MEI4: variants seen among roughly 807,000 people sequenced by gnomAD.
MEI4 encodes meiotic double-stranded break formation protein 4.
In MEI4, 27 loss-of-function variants were observed where a neutral mutation model predicts 31.4. The ratio of observed to expected loss-of-function variants is 0.86; its 90% CI spans 0.63 to 1.19. The LOEUF is 1.19. Ranked by LOEUF, MEI4 falls within the 50% of genes most tolerant of loss-of-function variation. MEI4 has a pLI of 0.00. For missense variants in MEI4, 329 were observed against 398.9 expected (o/e 0.82, Z 1.49); for synonymous variants, 122 against 145.4 (o/e 0.84, Z 1.16).
At chr6:77,782,417 ATACT>A (rs1009499933) in intron 3 of MEI4, among the ~76,000 whole-genome samples, 2 of 152,312 alleles carry the variant, frequency 1.3e-5, no homozygotes, top group African/African-American at 2.4e-5. Context: ...AAAATTACAC[ATACT>A]TAAGATACAG....
At position 77,923,840 on chromosome 6, in the gene MEI4, C is replaced by CATATAGAAGAT. The variant is rs1766774577; in HGVS notation, c.*494_*495insATATAGAAGAT. On this transcript the variant is annotated 3_prime_UTR_variant, in exon 5 of 5. Transcript: ENST00000684080. ...CTTATATCATTGCTTTCACCTTAGA[C>CATATAGAAGAT]GAGAATCATATAGAAGTAGAACTTT... The CATATAGAAGAT allele has an allele frequency of 1.3e-5, 2 of 151,536 alleles. No individual in the cohort carries two copies. Among genetic ancestry groups the CATATAGAAGAT allele is most frequent in the African/African-American group, 4.8e-5 (2 of 41,314 alleles). The allele number at this position is 151,536 out of a possible 1,614,324, so 9.4% of individuals were successfully genotyped here.
chr6:77,898,153 T>C (rs1303930573), intron 4 of MEI4, among the ~76,000 whole-genome samples: 1 of 152,032 alleles, frequency 6.6e-6, no homozygotes, highest in Non-Finnish European at 1.5e-5. Context: ...GCTTATTTGT[T>C]AGCTGCTTTG....
intron 1 of MEI4, among the ~76,000 whole-genome samples, chr6:77,676,862 C>G (rs1768854510): frequency 6.6e-6 from 1 of 152,094 alleles, no homozygotes; most frequent in Non-Finnish European, 1.5e-5. Flanking sequence ...TCTAATTCAT[C>G]TTTTTATGTT....
intron 3 of MEI4, among the ~76,000 whole-genome samples, chr6:77,826,911 A>G (rs994688463): frequency 1.3e-5 from 2 of 152,050 alleles, no homozygotes; most frequent in African/African-American, 2.4e-5. Context: ...ATTTCTACCC[A>G]TTTCCTTCAT....
chr6:77,650,340 G>A (rs1011928047), upstream of MEI4, among the ~76,000 whole-genome samples: 1 of 152,186 alleles, frequency 6.6e-6, no homozygotes, highest in Non-Finnish European at 1.5e-5. Context: ...GCCAAGAGGG[G>A]CAGAAGGGGT....
intron 3 of MEI4, among the ~76,000 whole-genome samples, chr6:77,805,572 A>C (rs1390252926): frequency 6.6e-6 from 1 of 152,124 alleles, no homozygotes; most frequent in African/African-American, 2.4e-5. Flanking sequence ...CATTTTTATA[A>C]GTTGTAGAGA....
chr6:77,748,541 C>T (rs141269736), intron 2 of MEI4, among the ~76,000 whole-genome samples: 76 of 152,260 alleles, frequency 5.0e-4, no homozygotes, highest in Non-Finnish European at 1.0e-3. Flanking sequence ...CCCAGGAAGC[C>T]ATTTTATCCT....
rs186719649 is a variant in MEI4 at position 77,736,814 on chromosome 6, C to T, written c.233-24316C>T. On this transcript the variant is annotated intron_variant, in intron 2 of 4. Coordinates refer to ENST00000684080, the MANE Select transcript of MEI4 (RefSeq NM_001322247.2). Reference sequence around the variant, plus strand: ...CCTGTAGTCCAGAGAAAGATACTAACGTTCAGAGGAGAGAAAGTGATTATT... The same window carrying T: ...CCTGTAGTCCAGAGAAAGATACTAATGTTCAGAGGAGAGAAAGTGATTATT... Among the ~76,000 whole-genome samples, 85 of 152,086 alleles carry T rather than the reference C, an allele frequency of 5.6e-4. 1 individual carries two copies. The highest frequency in any genetic ancestry group is 9.6e-4 in the Non-Finnish European group (65 of 68,026).
chr6:77,754,672 C>G (rs760999749), intron 2 of MEI4, among the ~76,000 whole-genome samples: 3 of 152,152 alleles, frequency 2.0e-5, no homozygotes, highest in Non-Finnish European at 4.4e-5. Context: ...CTTCCCCAAA[C>G]TGGGTAATTT....
Position 77,887,651 on chromosome 6 carries a change from A to C in MEI4, c.901-35438A>C, listed in dbSNP as rs150590431. Among the ~76,000 whole-genome samples the C allele has an allele frequency of 3.2e-4, 49 of 152,302 alleles. No individual in the cohort carries two copies. The East Asian group carries it at 7.9e-3, about 25-fold the overall frequency. ...TTGTGGTCTGAAAAGTATTAAATAT[A>C]ATATTGATGTTTAAAATTTTGTTGA... is the stretch of plus-strand genomic sequence containing the variant. On this transcript the variant is annotated intron_variant, in intron 4 of 4. Transcript: ENST00000684080.
chr6:77,915,759 CTT>C (rs1396559418), intron 4 of MEI4, among the ~76,000 whole-genome samples: 1 of 151,862 alleles, frequency 6.6e-6, no homozygotes, highest in Non-Finnish European at 1.5e-5. Context: ...AATTCTGTCT[CTT>C]TGGGGATCTC....
At chr6:77,694,299 A>C (rs1057041402) in intron 2 of MEI4, among the ~76,000 whole-genome samples, 2 of 151,912 alleles carry the variant, frequency 1.3e-5, no homozygotes, top group East Asian at 3.9e-4. Context: ...TTTAGGGTAC[A>C]TGTGCACAAT....
intron 4 of MEI4, among the ~76,000 whole-genome samples, chr6:77,897,321 A>G (rs541105187): frequency 8.1e-4 from 123 of 152,118 alleles, no homozygotes; most frequent in African/African-American, 2.9e-3. Context: ...GTGTCAGACA[A>G]ATACAAATCA....
In MEI4 at chr6:77,721,887, C is replaced by T. The variant is rs1278747918; in HGVS notation, c.232+30984C>T. On this transcript the variant is annotated intron_variant, in intron 2 of 4. Coordinates refer to ENST00000684080, the MANE Select transcript of MEI4 (RefSeq NM_001322247.2). Reference sequence around the variant, plus strand: ...TATAACAGTCAATTAATTTATCTTTCGTTTCTGCAGCACATAAAATATCAT... The same window carrying T: ...TATAACAGTCAATTAATTTATCTTTTGTTTCTGCAGCACATAAAATATCAT... 6.0e-5 allele frequency among the ~76,000 whole-genome samples: 7 copies of T among 117,496 alleles called. 1 individual carries two copies. Among genetic ancestry groups the T allele is most frequent in the Non-Finnish European group, 1.1e-4 (6 of 55,660 alleles). The allele number at this position is 117,496 out of a possible 152,430, so 77.1% of individuals were successfully genotyped here.
intron 4 of MEI4, among the ~76,000 whole-genome samples, chr6:77,830,758 G>A (rs1355217989): frequency 6.6e-6 from 1 of 151,876 alleles, no homozygotes; most frequent in Non-Finnish European, 1.5e-5. Context: ...AAATTAAAAT[G>A]GATTAAAGTC....
intron 1 of MEI4, among the ~76,000 whole-genome samples, chr6:77,680,937 G>C (rs1047473331): frequency 4.6e-5 from 7 of 152,070 alleles, no homozygotes; most frequent in African/African-American, 1.7e-4. Context: ...CTTTGAGTTT[G>C]TTATCTTCAG....
intron 4 of MEI4, among the ~76,000 whole-genome samples, chr6:77,874,614 T>A (rs1427890184): frequency 6.6e-6 from 1 of 152,116 alleles, no homozygotes; most frequent in African/African-American, 2.4e-5. Context: ...TCCTGCCTAA[T>A]TGCCCTGGCC....
intron 3 of MEI4, among the ~76,000 whole-genome samples, chr6:77,764,806 A>G (rs1433529233): frequency 6.6e-6 from 1 of 152,212 alleles, no homozygotes; most frequent in Non-Finnish European, 1.5e-5. Context: ...AACAATAGGT[A>G]AAATGGTAAA....
Position 77,923,453 on chromosome 6 carries a change from T to TA in MEI4, c.*107_*108insA. 1 of 867,250 alleles carries TA rather than the reference T, an allele frequency of 1.2e-6. No individual in the cohort carries two copies. The allele number at this position is 867,250 out of a possible 1,614,324, so 53.7% of individuals were successfully genotyped here. A position where few individuals can be genotyped will look rare whatever the true frequency, so the allele number is the denominator to read the frequency against. On this transcript the variant is annotated 3_prime_UTR_variant, in exon 5 of 5. Transcript: ENST00000684080. Reference sequence around the variant, plus strand: ...AGTATTTTAATTAGCATTTTAGAATTGATCTCTAAATATAATTATCAATTC... The same window carrying TA: ...AGTATTTTAATTAGCATTTTAGAATTAGATCTCTAAATATAATTATCAATTC...
Sources: allele counts gnomAD v4.1 joint callset (sites outside exome capture counted in the v4.1 genomes callset), GRCh38; gene constraint gnomAD v4.1.1; transcripts MANE v1.5; gene names NCBI Gene and HGNC (gene_info 2026-07-23, HGNC 2026-07-21).